Variants in SRPRA observed in about 807,000 individuals in gnomAD.
SRPRA encodes the protein signal recognition particle receptor subunit alpha.
Under a neutral mutation model 61.1 loss-of-function variants are expected in SRPRA, and 30 were observed. That is an observed-to-expected ratio of 0.49 (90% CI 0.37 to 0.67). The LOEUF (loss-of-function observed/expected upper bound fraction) is 0.67. Among genes scored for constraint, SRPRA ranks in the 30% least tolerant of loss-of-function variants. The pLI is 0.00. For missense variants in SRPRA, 759 were observed against 828.4 expected (o/e 0.92, Z 1.03); for synonymous variants, 324 against 299.7 (o/e 1.08, Z -0.84).
the SRPRA span, chr11:126,241,035 A>G: frequency 6.3e-7 from 1 of 1,591,884 alleles, no homozygotes; most frequent in Non-Finnish European, 8.6e-7. Context: ...TTATCCAGAA[A>G]CTCTCTCCTG....
the SRPRA span, among the ~76,000 whole-genome samples, chr11:126,257,537 CAT>C: frequency 3.7e-4 from 55 of 148,624 alleles, no homozygotes; most frequent in African/African-American, 1.3e-3. Flanking sequence ...AAGTTAGAGA[CAT>C]ATGAGTAAAG....
At chr11:126,236,182 CTGTT>C in the SRPRA span, among the ~76,000 whole-genome samples, 3 of 152,216 alleles carry the variant, frequency 2.0e-5, no homozygotes, top group African/African-American at 4.8e-5. Flanking sequence ...TATCGATTCT[CTGTT>C]TGCTGGATCT....
chr11:126,266,980 T>G, intron 4 of SRPRA, 58 bp from the exon 5 acceptor site: 1 of 1,570,692 alleles, frequency 6.4e-7, no homozygotes, highest in East Asian at 2.2e-5. Flanking sequence ...CACTAGACAA[T>G]GGCTAAAAGT....
chr11:126,236,985 C>T, the SRPRA span, among the ~76,000 whole-genome samples: 2 of 143,534 alleles, frequency 1.4e-5, no homozygotes, highest in Middle Eastern at 3.3e-3. Context: ...GACACTATCT[C>T]GGCTCATTGC....
Position 126,266,906 on chromosome 11 carries a change from C to A in SRPRA, c.543G>T (p.Leu181Phe), listed in dbSNP as rs1409533776. The A allele has an allele frequency of 2.5e-6, 4 of 1,613,818 alleles. No individual in the cohort carries two copies. The highest frequency in any genetic ancestry group is 1.3e-5 in the African/African-American group (1 of 74,890). Residue 181 changes from leucine to phenylalanine, a missense_variant, in exon 5 of 14, where the codon TTG (leucine) becomes TTT (phenylalanine). By Grantham distance (22) the Leu-to-Phe change is conservative. This residue lies in a region of SRPRA where 475 missense variants were observed against 462.5 expected (regional missense o/e 1.03). Transcript: ENST00000332118. ...CTGCAGGGACTGGTTTGCTGGTAGC[C>A]AAAGGACCATCAGAACCTGTTGGGG... is the stretch of plus-strand genomic sequence containing the variant. ...GAKKEGSDGP[L>F]ATSKPVPAEK...
chr11:126,262,048 G>GT, downstream of SRPRA: 5 of 1,473,664 alleles, frequency 3.4e-6, no homozygotes, highest in South Asian at 3.4e-5. Flanking sequence ...ATTGACTTAA[G>GT]TATCTGCAGC....
Position 126,267,907 on chromosome 11 carries a change from ACGT to A in SRPRA, c.201+93_201+95del. 1 of 1,444,840 alleles carries A rather than the reference ACGT, an allele frequency of 6.9e-7. No homozygotes were observed. Among genetic ancestry groups the A allele is most frequent in the Non-Finnish European group, 9.6e-7 (1 of 1,037,310 alleles). The allele number at this position is 1,444,840 out of a possible 1,614,324, so 89.5% of individuals were successfully genotyped here. ...ATCTACCTTTCTAGTTTTTTCAGTTACGTCATCATATACACTGGCTGCAATTAA... is the reference window on the plus strand; with the variant it reads ...ATCTACCTTTCTAGTTTTTTCAGTTACATCATATACACTGGCTGCAATTAA... On this transcript the variant is annotated intron_variant, in intron 2 of 13. Coordinates refer to ENST00000332118, the MANE Select transcript of SRPRA (RefSeq NM_003139.4). This position sits in a 1 kb window ranked among gnomAD's most constrained non-coding sequence, Gnocchi z 4.2.
chr11:126,265,225 G>C lies in SRPRA; in HGVS notation c.1311+43C>G, dbSNP rs1177872154. 6.2e-7 allele frequency: 1 copy of C among 1,613,792 alleles called. No individual in the cohort carries two copies. Among genetic ancestry groups the C allele is most frequent in the Non-Finnish European group, 8.5e-7 (1 of 1,179,740 alleles). ...CTAAAGCCAGGATTTTGAGACACAAGAAGTACAGAAATATCAGCGATAGGC... is the reference window on the plus strand; with the variant it reads ...CTAAAGCCAGGATTTTGAGACACAACAAGTACAGAAATATCAGCGATAGGC... On this transcript the variant is annotated intron_variant, in intron 10 of 13. Coordinates refer to ENST00000332118, the MANE Select transcript of SRPRA (RefSeq NM_003139.4). The surrounding 1 kb of genome is among the most constrained non-coding windows in gnomAD (Gnocchi z 6.3).
At chr11:126,241,126 C>T in the SRPRA span, 1 of 1,383,820 alleles carries the variant, frequency 7.2e-7, no homozygotes, top group Non-Finnish European at 9.8e-7. Context: ...GCTGTCAAAA[C>T]TAGCATGCCA....
rs1013644156 is a variant in SRPRA, at chr11:126,265,633, G to A, written c.1138+104C>T. The A allele has an allele frequency of 2.4e-5, 32 of 1,346,966 alleles. No individual in the cohort carries two copies. The African/African-American group carries it at 2.6e-4, about 11-fold the overall frequency. The allele number at this position is 1,346,966 out of a possible 1,614,324, so 83.4% of individuals were successfully genotyped here. ...AACCCTTAAAATCTAGGTTACAGAG[G>A]TTTAGAGGTTAAGGAATTTGCCGAA... On this transcript the variant is annotated intron_variant, in intron 9 of 13. Coordinates refer to ENST00000332118, the MANE Select transcript of SRPRA (RefSeq NM_003139.4). This position sits in a 1 kb window ranked among gnomAD's most constrained non-coding sequence, Gnocchi z 6.3.
chr11:126,266,422 C>CT, intron 6 of SRPRA, 54 bp downstream of exon 6: 1 of 1,601,588 alleles, frequency 6.2e-7, no homozygotes, highest in Non-Finnish European at 8.5e-7. Context: ...TTCCCACACT[C>CT]TACTTCCTCC....
At chr11:126,246,606 T>G in the SRPRA span, among the ~76,000 whole-genome samples, 5 of 152,146 alleles carry the variant, frequency 3.3e-5, no homozygotes, top group Admixed American at 1.3e-4. Flanking sequence ...ACAGGTTTTT[T>G]TTCTTTCTTT....
In SRPRA at chr11:126,266,009, A is replaced by T. The variant is rs1334531419; in HGVS notation, c.1005T>A (p.Arg335=). 1 of 1,614,188 alleles carries T rather than the reference A, an allele frequency of 6.2e-7. No individual in the cohort carries two copies. Among genetic ancestry groups the T allele is most frequent in the South Asian group, 1.1e-5 (1 of 91,082 alleles). The change falls in exon 8 of 14, where the codon CGT becomes CGA. Residue 335 remains arginine, a synonymous_variant. Coordinates refer to ENST00000332118, the MANE Select transcript of SRPRA (RefSeq NM_003139.4). ...KGLVGSKSLS[R]EDMESVLDKM... is the part of the protein sequence containing the mutation. ...TGTCCAGCACAGATTCCATGTCTTC[A>T]CGACTCAAGCTCTTTGAACCCACAA...
the SRPRA span, among the ~76,000 whole-genome samples, chr11:126,252,384 CA>C: frequency 1.3e-5 from 2 of 152,198 alleles, no homozygotes; most frequent in African/African-American, 2.4e-5. This position sits in a 1 kb window ranked among gnomAD's most constrained non-coding sequence, Gnocchi z 4.7. Context: ...TTCTTACCCT[CA>C]TAACTCAAAT....
In SRPRA at chr11:126,268,628, G is replaced by C; in HGVS notation, c.117+60C>G. ...GAGGAGGCGCGGAATAGAGTCGAAG[G>C]GGACCATGGATCGGGTCAGGAAAGA... On this transcript the variant is annotated intron_variant, in intron 1 of 13. Transcript: ENST00000332118. 3 of 1,424,844 alleles carry C rather than the reference G, an allele frequency of 2.1e-6. No homozygotes were observed. The South Asian group carries it at 3.5e-5, about 16-fold the overall frequency. 88.3% of individuals were successfully genotyped at this position (1,424,844 alleles called of 1,614,324 possible).
chr11:126,237,732 C>T, the SRPRA span, among the ~76,000 whole-genome samples: 1 of 143,470 alleles, frequency 7.0e-6, no homozygotes, highest in Non-Finnish European at 1.5e-5. Flanking sequence ...TGGCGCGTGC[C>T]TGTAATCCCA....
chr11:126,265,998 T>G lies in SRPRA; in HGVS notation c.1016A>C (p.Glu339Ala). The G allele has an allele frequency of 6.2e-7, 1 of 1,614,184 alleles. No individual in the cohort carries two copies. Among genetic ancestry groups the G allele is most frequent in the Non-Finnish European group, 8.5e-7 (1 of 1,180,044 alleles). ...ATCACGCATCTTGTCCAGCACAGAT[T>G]CCATGTCTTCACGACTCAAGCTCTT... is the stretch of plus-strand genomic sequence containing the variant. ...GSKSLSREDMESVLDKMRDHL... is the reference protein window; with the variant it reads ...GSKSLSREDMASVLDKMRDHL... The change falls in exon 8 of 14, where the codon GAA becomes GCA. Residue 339 changes from glutamate (E) to alanine (A), a missense_variant. Physicochemically the swap from Glu to Ala is moderately radical, Grantham distance 107. Around this residue, in one of 2 missense-constraint regions of SRPRA, gnomAD observed 475 missense variants for 462.5 expected, o/e 1.03. Transcript: ENST00000332118. The surrounding 1 kb of genome is among the most constrained non-coding windows in gnomAD (Gnocchi z 6.3).
At chr11:126,246,306 A>G in the SRPRA span, among the ~76,000 whole-genome samples, 2 of 152,220 alleles carry the variant, frequency 1.3e-5, no homozygotes, top group Non-Finnish European at 2.9e-5. Flanking sequence ...GTACTATGGC[A>G]GGGTTAACAG....
the SRPRA span, chr11:126,254,281 T>G: frequency 6.2e-7 from 1 of 1,609,044 alleles, no homozygotes; most frequent in Non-Finnish European, 8.5e-7. Flanking sequence ...GCCAAGCTGG[T>G]TGGGCTATAT....
Sources: allele counts gnomAD v4.1 joint callset (sites outside exome capture counted in the v4.1 genomes callset), GRCh38; gene constraint gnomAD v4.1.1; regional missense constraint gnomAD v4.1.1; non-coding constraint Gnocchi (gnomAD v3.1); transcripts MANE v1.5; gene names NCBI Gene and HGNC (gene_info 2026-07-23, HGNC 2026-07-21).